The following YWHAG variants were observed in gnomAD, a reference collection of about 807,000 sequenced individuals.
YWHAG encodes tyrosine 3-monooxygenase/tryptophan 5-monooxygenase activation protein gamma.
Under a neutral mutation model 23.3 loss-of-function variants are expected in YWHAG, and 1 was observed. The observed-to-expected ratio is 0.04, with a 90% CI of 0.02 to 0.20. The LOEUF (loss-of-function observed/expected upper bound fraction) is 0.20, where lower values mean the gene tolerates loss of function less well. Ranked by LOEUF, YWHAG falls within the 10% of genes least tolerant of loss-of-function variation. The probability of loss-of-function intolerance (pLI) is 1.00; values close to 1 mark genes in which losing one functional copy is unlikely to be tolerated. For synonymous variants in YWHAG, 160 were observed against 144.0 expected (o/e 1.11, Z -0.80); for missense variants, 151 against 338.6 (o/e 0.45, Z 4.35).
intron 1 of YWHAG, among the ~76,000 whole-genome samples, chr7:76,344,273 G>A (rs913111438): frequency 2.0e-5 from 3 of 152,092 alleles, no homozygotes; most frequent in Non-Finnish European, 4.4e-5. Flanking sequence ...ACCACGTCTG[G>A]CTAATTTTTG....
chr7:76,327,694 C>A lies in YWHAG; in HGVS notation c.*1883G>T, dbSNP rs917385863. ...CCCCCCCCCCCCTCCCCCCCCAAAT[C>A]GTCTTCCTCCCATGGCAATGACTTT... is the stretch of plus-strand genomic sequence containing the variant. On this transcript the variant is annotated 3_prime_UTR_variant, in exon 2 of 2. Transcript: ENST00000307630. The A allele has an allele frequency of 7.8e-6, 1 of 128,738 alleles. No homozygotes were observed. The highest frequency in any genetic ancestry group is 2.9e-5 in the African/African-American group (1 of 34,274). 8.0% of individuals were successfully genotyped at this position (128,738 alleles called of 1,614,324 possible). A position where few individuals can be genotyped will look rare whatever the true frequency, so the allele number is the denominator to read the frequency against.
intron 1 of YWHAG, among the ~76,000 whole-genome samples, chr7:76,337,783 G>A (rs1185731749): frequency 6.6e-6 from 1 of 152,032 alleles, no homozygotes; most frequent in East Asian, 1.9e-4. Flanking sequence ...TGATCCGCCC[G>A]CCTCAGCCTC....
intron 1 of YWHAG, among the ~76,000 whole-genome samples, chr7:76,344,433 A>G (rs138849724): frequency 6.6e-5 from 10 of 152,300 alleles, no homozygotes; most frequent in Admixed American, 2.0e-4. Context: ...ACCTAACTCC[A>G]TATCAGGAAG....
At chr7:76,333,142 T>C (rs899007919) in intron 1 of YWHAG, among the ~76,000 whole-genome samples, 2 of 151,724 alleles carry the variant, frequency 1.3e-5, no homozygotes, top group African/African-American at 4.8e-5. Flanking sequence ...CTAATTTTTG[T>C]ATTTTTCTGT....
At chr7:76,353,154 A>G (rs569320769) in intron 1 of YWHAG, among the ~76,000 whole-genome samples, 4 of 152,354 alleles carry the variant, frequency 2.6e-5, no homozygotes, top group South Asian at 2.1e-4. Context: ...CTACAAAATC[A>G]TGGTAGCAAA....
chr7:76,358,468 C>T (rs1803996260), intron 1 of YWHAG, among the ~76,000 whole-genome samples: 1 of 152,078 alleles, frequency 6.6e-6, no homozygotes, highest in South Asian at 2.1e-4. Context: ...TCCAGCCCCG[C>T]GGGACCTCGC....
At chr7:76,349,338 A>C (rs1396999725) in intron 1 of YWHAG, among the ~76,000 whole-genome samples, 1 of 38,288 alleles carries the variant, frequency 2.6e-5, no homozygotes, top group African/African-American at 7.2e-5. Context: ...ACTCTGTCTC[A>C]AAAAAAAAAA....
intron 1 of YWHAG, among the ~76,000 whole-genome samples, chr7:76,351,149 G>A (rs571063126): frequency 1.3e-4 from 20 of 151,988 alleles, no homozygotes; most frequent in African/African-American, 4.6e-4. Flanking sequence ...ATTTCCCCCC[G>A]AAATTTCTAG....
chr7:76,342,207 G>A (rs1308005383), intron 1 of YWHAG, among the ~76,000 whole-genome samples: 1 of 152,076 alleles, frequency 6.6e-6, no homozygotes, highest in East Asian at 1.9e-4. Context: ...TATCATAAAA[G>A]AAAGATGAAA....
At position 76,358,981 on chromosome 7, in the gene YWHAG, G is replaced by A. The variant is rs954675913; in HGVS notation, c.-173C>T. On this transcript the variant is annotated 5_prime_UTR_variant, in exon 1 of 2. Coordinates refer to ENST00000307630, the MANE Select transcript of YWHAG (RefSeq NM_012479.4). ...GAGCTGCGACCGCGGGACCGGGCGC[G>A]AGGCGGCTGCGGCTGCTGTGCGTGC... The A allele has an allele frequency of 1.9e-5, 10 of 518,116 alleles. No individual in the cohort carries two copies. The highest frequency in any genetic ancestry group is 1.3e-4 in the Admixed American group (3 of 22,976). 32.1% of individuals were successfully genotyped at this position (518,116 alleles called of 1,614,324 possible).
At chr7:76,349,472 G>C (rs1803842130) in intron 1 of YWHAG, among the ~76,000 whole-genome samples, 1 of 150,180 alleles carries the variant, frequency 6.7e-6, no homozygotes, top group African/African-American at 2.5e-5. Flanking sequence ...CACACAGCCA[G>C]ATGATGAAAA....
chr7:76,358,379 G>A (rs188191326), intron 1 of YWHAG, among the ~76,000 whole-genome samples: 3 of 152,296 alleles, frequency 2.0e-5, no homozygotes, highest in Admixed American at 2.0e-4. Context: ...GGGAAGTGGG[G>A]CACAAAGGAT....
intron 1 of YWHAG, among the ~76,000 whole-genome samples, chr7:76,351,092 G>A (rs537792610): frequency 2.6e-5 from 4 of 152,186 alleles, no homozygotes; most frequent in South Asian, 4.2e-4. Context: ...AAAAAGACAC[G>A]ATGGAAATAT....
intron 1 of YWHAG, among the ~76,000 whole-genome samples, chr7:76,343,330 A>G (rs1243373923): frequency 6.6e-6 from 1 of 150,446 alleles, no homozygotes; most frequent in Non-Finnish European, 1.5e-5. Flanking sequence ...TTGTGGAAGC[A>G]GAAGAACCCT....
intron 1 of YWHAG, among the ~76,000 whole-genome samples, chr7:76,352,196 T>C (rs1268447034): frequency 6.6e-6 from 1 of 152,184 alleles, no homozygotes; most frequent in Non-Finnish European, 1.5e-5. Flanking sequence ...AGATCTGGGT[T>C]TTTTAAATAT....
intron 1 of YWHAG, among the ~76,000 whole-genome samples, chr7:76,357,852 A>C (rs1803983761): frequency 6.6e-6 from 1 of 152,100 alleles, no homozygotes; most frequent in Admixed American, 6.6e-5. Context: ...TTTTCCCCCA[A>C]CTTATAGGAA....
chr7:76,358,961 G>T lies in YWHAG; in HGVS notation c.-153C>A. On this transcript the variant is annotated 5_prime_UTR_variant, in exon 1 of 2. Transcript: ENST00000307630. ...CTGCGCGGAGGAGGCGGCTGGAGCT[G>T]CGACCGCGGGACCGGGCGCGAGGCG... 1 of 620,436 alleles carries T rather than the reference G, an allele frequency of 1.6e-6. No individual in the cohort carries two copies. The highest frequency in any genetic ancestry group is 2.5e-6 in the Non-Finnish European group (1 of 404,830). The allele number at this position is 620,436 out of a possible 1,614,324, so 38.4% of individuals were successfully genotyped here.
At chr7:76,339,745 CCCACTT>C (rs1489243412) in intron 1 of YWHAG, among the ~76,000 whole-genome samples, 4 of 152,120 alleles carry the variant, frequency 2.6e-5, no homozygotes, top group African/African-American at 9.7e-5. Context: ...TTTACAATGA[CCCACTT>C]CCACTTAATG....
At chr7:76,331,114 CATTATT>C (rs909921343) in intron 1 of YWHAG, among the ~76,000 whole-genome samples, 11 of 151,934 alleles carry the variant, frequency 7.2e-5, no homozygotes, top group African/African-American at 2.7e-4. Context: ...ATATGAAATA[CATTATT>C]ATTATTATTA....
Sources: allele counts gnomAD v4.1 joint callset (sites outside exome capture counted in the v4.1 genomes callset), GRCh38; gene constraint gnomAD v4.1.1; transcripts MANE v1.5; gene names NCBI Gene and HGNC (gene_info 2026-07-23, HGNC 2026-07-21).